Variants in GNA12 observed in about 807,000 individuals in gnomAD.
GNA12 encodes the protein guanine nucleotide-binding protein subunit alpha-12.
GNA12 carries 9 observed loss-of-function variants against 26.0 expected under a neutral mutation model. The observed-to-expected ratio is 0.35, with a 90% confidence interval of 0.21 to 0.60. The LOEUF (loss-of-function observed/expected upper bound fraction) is 0.60. Ranked by LOEUF, GNA12 falls within the 20% of genes least tolerant of loss-of-function variation. The pLI is 0.78. For synonymous variants in GNA12, 264 were observed against 219.6 expected (o/e 1.20, Z -1.79); for missense variants, 405 against 525.8 (o/e 0.77, Z 2.25).
At position 2,751,964 on chromosome 7, in the gene GNA12, A is replaced by T. The variant is rs147773492; in HGVS notation, c.526-18463T>A. On this transcript the variant is annotated intron_variant, in intron 2 of 3. Transcript: ENST00000275364. ...ACTAACGAACGTGAACTTTTTCAGAAAATCAAAGAGGAAGAAATAATTTCC... is the reference window on the plus strand; with the variant it reads ...ACTAACGAACGTGAACTTTTTCAGATAATCAAAGAGGAAGAAATAATTTCC... Among the ~76,000 whole-genome samples, 968 of 152,328 alleles carry T rather than the reference A, an allele frequency of 6.4e-3. 6 individuals carry two copies. Among genetic ancestry groups the T allele is most frequent in the African/African-American group, 0.022 (929 of 41,568 alleles).
intron 1 of GNA12, among the ~76,000 whole-genome samples, chr7:2,801,370 G>A (rs1792804806): frequency 6.6e-6 from 1 of 152,208 alleles, no homozygotes; most frequent in African/African-American, 2.4e-5. Flanking sequence ...GGGCCAGGTA[G>A]GACTTGGAAG....
At chr7:2,830,741 G>A (rs1222941985) in intron 1 of GNA12, among the ~76,000 whole-genome samples, 2 of 152,130 alleles carry the variant, frequency 1.3e-5, no homozygotes, top group East Asian at 1.9e-4. Flanking sequence ...AGGTTTACTC[G>A]GAGGATCAAA....
chr7:2,783,062 G>A (rs149534118), intron 2 of GNA12, among the ~76,000 whole-genome samples: 88 of 152,150 alleles, frequency 5.8e-4, no homozygotes, highest in East Asian at 9.7e-4. Context: ...GACCGGTGTC[G>A]GAGTCCAATA....
chr7:2,774,278 T>C (rs183983021), intron 2 of GNA12, among the ~76,000 whole-genome samples: 1 of 152,242 alleles, frequency 6.6e-6, no homozygotes, highest in Non-Finnish European at 1.5e-5. Flanking sequence ...CATATATATG[T>C]GTGTATATAT....
At chr7:2,732,732 G>T (rs1174957759) in intron 3 of GNA12, among the ~76,000 whole-genome samples, 3 of 152,130 alleles carry the variant, frequency 2.0e-5, no homozygotes, top group Non-Finnish European at 4.4e-5. Flanking sequence ...ACACTGCAGG[G>T]GTGGAAGAGC....
At chr7:2,794,653 C>G in intron 2 of GNA12, 1 of 437,760 alleles carries the variant, frequency 2.3e-6, no homozygotes, top group Non-Finnish European at 4.1e-6. Flanking sequence ...CTAAATTTCT[C>G]GGGTTGTGCC....
chr7:2,814,969 C>T (rs1793182466), intron 1 of GNA12: 3 of 1,559,048 alleles, frequency 1.9e-6, no homozygotes, highest in Admixed American at 1.9e-5. Flanking sequence ...CTGCACTCGG[C>T]ATGGCTGACA....
intron 1 of GNA12, among the ~76,000 whole-genome samples, chr7:2,824,602 T>G (rs931154377): frequency 1.3e-5 from 2 of 152,224 alleles, no homozygotes; most frequent in Non-Finnish European, 2.9e-5. Flanking sequence ...TGGCAAGCAT[T>G]TGTTTCCAAT....
At chr7:2,840,866 T>C (rs921118303) in intron 1 of GNA12, among the ~76,000 whole-genome samples, 1 of 150,992 alleles carries the variant, frequency 6.6e-6, no homozygotes, top group African/African-American at 2.4e-5. Context: ...AAAATAAAAA[T>C]AAAAAAATAA....
At chr7:2,773,401 A>G (rs1791996597) in intron 2 of GNA12, among the ~76,000 whole-genome samples, 1 of 152,140 alleles carries the variant, frequency 6.6e-6, no homozygotes, top group Non-Finnish European at 1.5e-5. Context: ...CTTCTCTACT[A>G]AAATACAAAA....
At chr7:2,783,021 A>G (rs1792268614) in intron 2 of GNA12, among the ~76,000 whole-genome samples, 1 of 152,194 alleles carries the variant, frequency 6.6e-6, no homozygotes, top group African/African-American at 2.4e-5. Flanking sequence ...TCTAACTTTT[A>G]TCTTTAAACA....
intron 1 of GNA12, chr7:2,814,189 G>C (rs1415826498): frequency 3.1e-6 from 2 of 654,850 alleles, no homozygotes; most frequent in Middle Eastern, 2.9e-4. Flanking sequence ...TCACGTGAGT[G>C]AAATTCTCCA....
chr7:2,779,139 A>T (rs1419378145), intron 2 of GNA12, among the ~76,000 whole-genome samples: 1 of 152,102 alleles, frequency 6.6e-6, no homozygotes, highest in Non-Finnish European at 1.5e-5. Flanking sequence ...CGGGTGAATC[A>T]CTTGAGCCCA....
intron 1 of GNA12, among the ~76,000 whole-genome samples, chr7:2,825,110 C>T (rs1286494247): frequency 6.6e-6 from 1 of 152,214 alleles, no homozygotes; most frequent in African/African-American, 2.4e-5. Context: ...CAGGTTACAA[C>T]AATTTACATC....
chr7:2,781,430 G>GTGTGTA (rs1562424903), intron 2 of GNA12, among the ~76,000 whole-genome samples: 1 of 151,736 alleles, frequency 6.6e-6, no homozygotes, highest in African/African-American at 2.4e-5. Flanking sequence ...GTGTGTGTGT[G>GTGTGTA]TGTGTGTGTG....
At chr7:2,736,694 T>A (rs566894417) in intron 2 of GNA12, among the ~76,000 whole-genome samples, 1 of 152,110 alleles carries the variant, frequency 6.6e-6, no homozygotes, top group Non-Finnish European at 1.5e-5. Context: ...CCTTCAGCAG[T>A]TTCTGGAAGC....
chr7:2,731,616 C>T lies in GNA12; in HGVS notation c.711G>A (p.Lys237=), dbSNP rs371474667. The T allele has an allele frequency of 6.2e-7, 1 of 1,613,868 alleles. No individual in the cohort carries two copies. Among genetic ancestry groups the T allele is most frequent in the African/African-American group, 1.3e-5 (1 of 74,930 alleles). The change falls in exon 4 of 4, where the codon AAG becomes AAA. Residue 237 remains lysine, a synonymous_variant. Transcript: ENST00000275364. This position sits in a 1 kb window ranked among gnomAD's most constrained non-coding sequence, Gnocchi z 6.0. ...TGATCCCGTCGAAGCACTGGAACCA[C>T]TTCTGGCGCTGGGACCGCTGGCCGC... ...DVGGQRSQRQ[K]WFQCFDGITS...
intron 2 of GNA12, among the ~76,000 whole-genome samples, chr7:2,765,492 C>T (rs186628315): frequency 2.1e-4 from 32 of 152,046 alleles, no homozygotes; most frequent in African/African-American, 4.3e-4. Flanking sequence ...TGAATGAGCG[C>T]GCAGGGAAGA....
chr7:2,768,522 T>C (rs1791863950), intron 2 of GNA12, among the ~76,000 whole-genome samples: 1 of 151,100 alleles, frequency 6.6e-6, no homozygotes, highest in Non-Finnish European at 1.5e-5. Flanking sequence ...CTTAAAATCA[T>C]GGATGTAACA....
Sources: allele counts gnomAD v4.1 joint callset (sites outside exome capture counted in the v4.1 genomes callset), GRCh38; gene constraint gnomAD v4.1.1; non-coding constraint Gnocchi (gnomAD v3.1); transcripts MANE v1.5; gene names NCBI Gene and HGNC (gene_info 2026-07-23, HGNC 2026-07-21).